The following QRICH1 variants were observed in gnomAD, a reference collection of about 807,000 sequenced individuals.
QRICH1 encodes the protein transcriptional regulator QRICH1.
A neutral mutation model predicts 87.1 loss-of-function variants in QRICH1; 16 were observed. That is an observed-to-expected ratio of 0.18 (90% CI 0.12 to 0.28). The LOEUF is 0.28. QRICH1 is among the 10% of genes least tolerant of loss of function. The pLI, the probability that QRICH1 is intolerant of heterozygous loss-of-function variation, is 1.00. For missense variants in QRICH1, 647 were observed against 951.7 expected, an observed-to-expected ratio of 0.68 and a Z score of 4.21; for synonymous variants, 367 against 368.4, an observed-to-expected ratio of 1.00 and a Z score of 0.05.
intron 3 of QRICH1, among the ~76,000 whole-genome samples, chr3:49,056,069 G>A (rs1048890467): frequency 2.0e-5 from 3 of 152,016 alleles, no homozygotes; most frequent in South Asian, 4.2e-4. Context: ...TCTGCCTCCT[G>A]GGTTCAAGTG....
At chr3:49,053,271 G>A (rs1196666263) in intron 3 of QRICH1, among the ~76,000 whole-genome samples, 3 of 152,084 alleles carry the variant, frequency 2.0e-5, no homozygotes, top group East Asian at 1.9e-4. Context: ...GGTGGATCAC[G>A]AGGTCAGGAG....
chr3:49,089,955 T>C (rs1285850086), intron 1 of QRICH1, among the ~76,000 whole-genome samples: 4 of 152,224 alleles, frequency 2.6e-5, no homozygotes, highest in African/African-American at 9.6e-5. Flanking sequence ...TTATAATTTG[T>C]CATTAAATTG....
At chr3:49,088,118 A>C (rs1032905940) in intron 1 of QRICH1, among the ~76,000 whole-genome samples, 4 of 151,362 alleles carry the variant, frequency 2.6e-5, no homozygotes, top group African/African-American at 9.7e-5. Flanking sequence ...CATCCAGCTA[A>C]TTTTTTTGTA....
intron 2 of QRICH1, among the ~76,000 whole-genome samples, chr3:49,058,450 C>T (rs998540407): frequency 3.9e-5 from 6 of 152,180 alleles, no homozygotes; most frequent in East Asian, 3.9e-4. Context: ...GCCAGCCTCC[C>T]GAGTATCTGG....
At chr3:49,071,405 C>T (rs911211151) in intron 2 of QRICH1, among the ~76,000 whole-genome samples, 7 of 152,014 alleles carry the variant, frequency 4.6e-5, no homozygotes, top group African/African-American at 1.7e-4. Flanking sequence ...GCCTGTAATC[C>T]AAACACTTTG....
chr3:49,087,836 A>AAAAAAAAAAAAAAAC, intron 1 of QRICH1, among the ~76,000 whole-genome samples: 1 of 149,332 alleles, frequency 6.7e-6, no homozygotes, highest in African/African-American at 2.4e-5. Context: ...AAAAAAAAAA[A>AAAAAAAAAAAAAAAC]AAAGAACAAT....
At chr3:49,087,708 T>C (rs929646940) in intron 1 of QRICH1, among the ~76,000 whole-genome samples, 1 of 143,476 alleles carries the variant, frequency 7.0e-6, no homozygotes, top group South Asian at 2.2e-4. Context: ...ACCCCATCTC[T>C]ACTAAAAATA....
intron 1 of QRICH1, among the ~76,000 whole-genome samples, chr3:49,081,686 A>T (rs1313416732): frequency 2.0e-5 from 3 of 152,152 alleles, no homozygotes; most frequent in Non-Finnish European, 4.4e-5. Flanking sequence ...TTTGTTAGAG[A>T]GACAGGGTTT....
intron 6 of QRICH1, among the ~76,000 whole-genome samples, chr3:49,036,578 A>C (rs2093276295): frequency 6.6e-6 from 1 of 152,320 alleles, no homozygotes; most frequent in Non-Finnish European, 1.5e-5. Context: ...ATACGTTTAA[A>C]TCTGTAAGTT....
intron 1 of QRICH1, among the ~76,000 whole-genome samples, chr3:49,081,416 T>TAAA (rs771412819): frequency 2.2e-5 from 3 of 135,276 alleles, no homozygotes; most frequent in African/African-American, 8.1e-5. Flanking sequence ...GACTCCATCT[T>TAAA]AAAAAAAAAA....
At chr3:49,032,330 G>C in intron 8 of QRICH1, 57 bp from the exon 9 acceptor site, 1 of 1,335,526 alleles carries the variant, frequency 7.5e-7, no homozygotes, top group Admixed American at 1.8e-5. Context: ...CTTACCTCAG[G>C]CCCAGATCAG....
intron 9 of QRICH1, among the ~76,000 whole-genome samples, chr3:49,030,907 G>T (rs2093233268): frequency 6.6e-6 from 1 of 151,640 alleles, no homozygotes; most frequent in Admixed American, 6.6e-5. Context: ...CCAGCCTAGG[G>T]CTCTCATGGA....
chr3:49,054,611 T>C (rs1045934936), intron 3 of QRICH1, among the ~76,000 whole-genome samples: 5 of 152,064 alleles, frequency 3.3e-5, no homozygotes, highest in African/African-American at 1.2e-4. Context: ...AAACTACAGT[T>C]CAACAGTTCA....
chr3:49,060,904 G>A (rs1694654734), intron 2 of QRICH1, among the ~76,000 whole-genome samples: 1 of 151,738 alleles, frequency 6.6e-6, no homozygotes, highest in South Asian at 2.1e-4. Flanking sequence ...GCTGAGGAGG[G>A]CAGATCACTT....
At position 49,094,007 on chromosome 3, in the gene QRICH1, G is replaced by A; in HGVS notation, c.-117C>T. 5.0e-6 allele frequency: 2 copies of A among 399,248 alleles called. No individual in the cohort carries two copies. The highest frequency in any genetic ancestry group is 1.3e-4 in the South Asian group (1 of 7,964). The allele number at this position is 399,248 out of a possible 1,614,324, so 24.7% of individuals were successfully genotyped here. ...CCTGGTTCTGCCGTCGTCGCTCCAA[G>A]ACCGACAGGGTTTTCTCCTCACAGC... is the stretch of plus-strand genomic sequence containing the variant. On this transcript the variant is annotated 5_prime_UTR_variant, in exon 1 of 10. Coordinates refer to ENST00000395443, the MANE Select transcript of QRICH1 (RefSeq NM_198880.3).
intron 2 of QRICH1, among the ~76,000 whole-genome samples, chr3:49,076,153 G>A (rs1385579709): frequency 6.6e-6 from 1 of 152,136 alleles, no homozygotes; most frequent in Admixed American, 6.6e-5. Flanking sequence ...TGGGGCAGGA[G>A]AATCCATCCT....
At chr3:49,050,662 T>C (rs528731562) in intron 3 of QRICH1, among the ~76,000 whole-genome samples, 1 of 150,882 alleles carries the variant, frequency 6.6e-6, no homozygotes, top group South Asian at 2.1e-4. Context: ...GTTTTTCTCC[T>C]TAACTGCACT....
Position 49,046,300 on chromosome 3 carries a change from C to T in QRICH1, c.1671+125G>A. On this transcript the variant is annotated intron_variant, in intron 5 of 9. Transcript: ENST00000395443. Reference sequence around the variant, plus strand: ...AAAACAACAAATGTGTATTTTAAAACTCACTGTATACCTGAAAGAGAACTT... The same window carrying T: ...AAAACAACAAATGTGTATTTTAAAATTCACTGTATACCTGAAAGAGAACTT... 1.6e-5 allele frequency: 13 copies of T among 819,584 alleles called. No individual in the cohort carries two copies. In the South Asian group the frequency reaches 2.8e-4, roughly 18 times the overall value. The allele number at this position is 819,584 out of a possible 1,614,324, so 50.8% of individuals were successfully genotyped here.
intron 1 of QRICH1, 91 bp from the exon 2 acceptor site, chr3:49,077,129 AGG>A: frequency 1.2e-6 from 1 of 827,572 alleles, no homozygotes; most frequent in Non-Finnish European, 1.7e-6. Context: ...GAATATATTC[AGG>A]GCAGCTGTAT....
Sources: allele counts gnomAD v4.1 joint callset (sites outside exome capture counted in the v4.1 genomes callset), GRCh38; gene constraint gnomAD v4.1.1; transcripts MANE v1.5; gene names NCBI Gene and HGNC (gene_info 2026-07-23, HGNC 2026-07-21).